The following HELZ variants were observed in gnomAD, a reference collection of about 807,000 sequenced individuals.
The protein encoded by HELZ is ATP-dependent RNA helicase with zinc finger domain.
A neutral mutation model predicts 218.2 loss-of-function variants in HELZ; 23 were observed. The ratio of observed to expected loss-of-function variants is 0.11; its 90% CI spans 0.08 to 0.15. The LOEUF is 0.15. Among genes scored for constraint, HELZ ranks in the 10% least tolerant of loss-of-function variants. The pLI is 1.00. For synonymous variants in HELZ, 814 were observed against 829.4 expected, an observed-to-expected ratio of 0.98 and a Z score of 0.32; for missense variants, 1,813 against 2,353.7, an observed-to-expected ratio of 0.77 and a Z score of 4.75.
intron 28 of HELZ, among the ~76,000 whole-genome samples, chr17:67,110,904 A>G (rs1488764794): frequency 4.6e-5 from 7 of 152,242 alleles, no homozygotes; most frequent in Admixed American, 2.0e-4. Context: ...CACTAGAGGT[A>G]CTGTAAGAGG....
intron 3 of HELZ, among the ~76,000 whole-genome samples, chr17:67,230,565 C>G (rs999392663): frequency 7.1e-6 from 1 of 140,754 alleles, no homozygotes; most frequent in South Asian, 2.2e-4. Context: ...GCATTGTACT[C>G]CAGCCTGGTG....
intron 6 of HELZ, among the ~76,000 whole-genome samples, chr17:67,202,949 C>A (rs565919653): frequency 1.3e-5 from 2 of 151,804 alleles, no homozygotes; most frequent in Non-Finnish European, 2.9e-5. Flanking sequence ...CATAATGAGA[C>A]CTCGTCTCTA....
Position 67,178,856 on chromosome 17 carries a change from C to T in HELZ, c.1233G>A (p.Lys411=), listed in dbSNP as rs1445959169. 2 of 1,613,132 alleles carry T rather than the reference C, an allele frequency of 1.2e-6. No homozygotes were observed. Among genetic ancestry groups the T allele is most frequent in the African/African-American group, 2.7e-5 (2 of 74,892 alleles). Residue 411 remains lysine (K), a synonymous_variant, in exon 13 of 33, where the codon AAG becomes AAA. Coordinates refer to ENST00000358691, the MANE Select transcript of HELZ (RefSeq NM_014877.4). ...TTAKRWDSSS[K]TIIDFEPNET... is the part of the protein sequence containing the mutation. ...CATTAGGTTCAAAATCTATAATAGT[C>T]TTAGAGGAAGAATCCCAACGTTTAG...
chr17:67,219,305 C>T (rs1452086365), intron 3 of HELZ, among the ~76,000 whole-genome samples: 1 of 152,244 alleles, frequency 6.6e-6, no homozygotes, highest in African/African-American at 2.4e-5. Flanking sequence ...CTGGTTGGAA[C>T]TGTATGAACT....
rs1312770939 is a variant in HELZ at position 67,245,175 on chromosome 17, A to T, written c.-159T>A. On this transcript the variant is annotated 5_prime_UTR_variant, in exon 1 of 33. Coordinates refer to ENST00000358691, the MANE Select transcript of HELZ (RefSeq NM_014877.4). Reference sequence around the variant, plus strand: ...GTCATTACTTTCTACGCCATCTTGGATCCACTTGTCAACGTCCCCACAAAG... The same window carrying T: ...GTCATTACTTTCTACGCCATCTTGGTTCCACTTGTCAACGTCCCCACAAAG... 7.1e-6 allele frequency: 7 copies of T among 985,050 alleles called. No individual in the cohort carries two copies. Among genetic ancestry groups the T allele is most frequent in the Non-Finnish European group, 8.4e-6 (7 of 829,902 alleles). The allele number at this position is 985,050 out of a possible 1,614,324, so 61.0% of individuals were successfully genotyped here. A position where few individuals can be genotyped will look rare whatever the true frequency, so the allele number is the denominator to read the frequency against.
chr17:67,134,417 A>G (rs2038082593), intron 23 of HELZ, among the ~76,000 whole-genome samples: 2 of 152,192 alleles, frequency 1.3e-5, no homozygotes, highest in African/African-American at 2.4e-5. Context: ...CCCCTCTCCA[A>G]TTTGTCATTA....
chr17:67,137,864 A>C, intron 22 of HELZ, 67 bp downstream of exon 22: 1 of 1,198,412 alleles, frequency 8.3e-7, no homozygotes. Context: ...GAGTACTAAA[A>C]ATCCAATGTG....
At chr17:67,242,925 G>A (rs1438839687) in intron 2 of HELZ, among the ~76,000 whole-genome samples, 3 of 150,814 alleles carry the variant, frequency 2.0e-5, no homozygotes, top group African/African-American at 7.3e-5. Context: ...AAAATCCAGA[G>A]GCCCAGATGT....
rs531061988 is a variant in HELZ, at chr17:67,087,454, G to A, written c.5242-373C>T. Among the ~76,000 whole-genome samples the A allele has an allele frequency of 7.2e-5, 11 of 152,336 alleles. No individual in the cohort carries two copies. The South Asian group carries it at 1.4e-3, about 20-fold the overall frequency. ...ATAATAGTAGATTAAGAAAAAGCAC[G>A]AAGGAGCAAATCCGCTCAAAATTAA... is the stretch of plus-strand genomic sequence containing the variant. On this transcript the variant is annotated intron_variant, in intron 31 of 32. Transcript: ENST00000358691.
At position 67,219,079 on chromosome 17, in the gene HELZ, T is replaced by C. The variant is rs903940801; in HGVS notation, c.-18-257A>G. Among the ~76,000 whole-genome samples the C allele has an allele frequency of 3.3e-5, 5 of 152,300 alleles. 1 individual carries two copies. The East Asian group carries it at 9.6e-4, about 29-fold the overall frequency. Reference sequence around the variant, plus strand: ...TCATACCAACAATATAACAAATTTATAAATGAGGCAAATTTAGAAATGAAA... The same window carrying C: ...TCATACCAACAATATAACAAATTTACAAATGAGGCAAATTTAGAAATGAAA... On this transcript the variant is annotated intron_variant, in intron 3 of 32. Coordinates refer to ENST00000358691, the MANE Select transcript of HELZ (RefSeq NM_014877.4).
At chr17:67,166,682 T>A in intron 14 of HELZ, 74 bp from the exon 15 acceptor site, 1 of 1,348,094 alleles carries the variant, frequency 7.4e-7, no homozygotes, top group African/African-American at 1.4e-5. Context: ...TAGAATACTT[T>A]GGGAGGAATC....
At chr17:67,167,341 T>C (rs2039174735) in intron 14 of HELZ, 122 bp downstream of exon 14, 6 of 694,002 alleles carry the variant, frequency 8.6e-6, no homozygotes, top group South Asian at 3.8e-5. Context: ...AACCCACCAC[T>C]GTAGACTTCA....
Position 67,188,296 on chromosome 17 carries a change from G to A in HELZ, c.1162+23C>T, listed in dbSNP as rs72838437. 94,158 of 1,582,674 alleles carry A rather than the reference G, an allele frequency of 0.059. 3,200 individuals carry two copies. The highest frequency in any genetic ancestry group is 0.09 in the East Asian group (4,014 of 44,514). ...TGTTGCTTTTTAACACATTGTATCG[G>A]GGGAAAAAAGTCTAAATATTACCTT... On this transcript the variant is annotated intron_variant, in intron 12 of 32. Transcript: ENST00000358691. The surrounding 1 kb of genome is among the most constrained non-coding windows in gnomAD (Gnocchi z 4.1).
intron 21 of HELZ, among the ~76,000 whole-genome samples, chr17:67,140,781 A>G (rs1323690726): frequency 1.3e-5 from 2 of 152,234 alleles, no homozygotes; most frequent in Non-Finnish European, 2.9e-5. Flanking sequence ...CCAGACAACC[A>G]TATTAAAAAC....
At chr17:67,245,816 C>G (rs919983727), upstream of HELZ, 1 of 152,160 alleles carries the variant, frequency 6.6e-6, no homozygotes, top group Non-Finnish European at 1.5e-5. Flanking sequence ...ACTTTTTACC[C>G]CTTGTTTACT....
chr17:67,201,061 TA>T (rs1408793182), intron 7 of HELZ, 67 bp downstream of exon 7: 1 of 1,207,296 alleles, frequency 8.3e-7, no homozygotes, highest in Admixed American at 1.7e-5. Context: ...TTCCAAATTT[TA>T]ATACATAATG....
At position 67,209,033 on chromosome 17, in the gene HELZ, AAGGG is replaced by A. The variant is rs1177640990; in HGVS notation, c.248-5594_248-5591del. On this transcript the variant is annotated intron_variant, in intron 5 of 32. Transcript: ENST00000358691. ...GAAGGAAGGAAGGAAGGAAGGGAGG[AAGGG>A]AGGGAGGGAGGGAGGGAGGGAAGGA... 5.9e-4 allele frequency among the ~76,000 whole-genome samples: 66 copies of A among 112,518 alleles called. 1 individual carries two copies. Among genetic ancestry groups the A allele is most frequent in the African/African-American group, 8.7e-4 (23 of 26,540 alleles). The allele number at this position is 112,518 out of a possible 152,430, so 73.8% of individuals were successfully genotyped here.
chr17:67,114,508 C>A, intron 27 of HELZ, 105 bp from the exon 28 acceptor site: 2 of 717,694 alleles, frequency 2.8e-6, no homozygotes, highest in South Asian at 1.6e-5. Flanking sequence ...AAACACTTTT[C>A]ACCCATTATG....
In HELZ at chr17:67,109,673, G is replaced by T; in HGVS notation, c.3932C>A (p.Ser1311Ter). Residue 1311 changes from serine to a stop codon, truncating the protein, a stop_gained, in exon 29 of 33, where the codon TCA becomes TAA. Coordinates refer to ENST00000358691, the MANE Select transcript of HELZ (RefSeq NM_014877.4). LOFTEE classifies it high-confidence loss of function. ...PTEPKQVDLE[S>*]NPQNRSPESR... Reference sequence around the variant, plus strand: ...TTCAGGACTTCTGTTCTGTGGATTTGATTCCAAATCAACCTAGAAAAAAAG... The same window carrying T: ...TTCAGGACTTCTGTTCTGTGGATTTTATTCCAAATCAACCTAGAAAAAAAG... The T allele has an allele frequency of 1.2e-6, 2 of 1,602,644 alleles. No homozygotes were observed. Among genetic ancestry groups the T allele is most frequent in the South Asian group, 2.2e-5 (2 of 89,702 alleles).
Sources: gnomAD v4.1 joint callset for allele counts (sites outside exome capture counted in the v4.1 genomes callset) on GRCh38, gnomAD v4.1.1 for gene constraint, Gnocchi (gnomAD v3.1) non-coding constraint, MANE v1.5 for transcripts, NCBI Gene and HGNC (gene_info 2026-07-23, HGNC 2026-07-21) for gene names.